The following BICC1 variants were observed in gnomAD, a reference collection of about 807,000 sequenced individuals.
The protein encoded by BICC1 is BicC family RNA binding protein 1.
In BICC1, 43 loss-of-function variants were observed where a neutral mutation model predicts 111.0. The ratio of observed to expected loss-of-function variants is 0.39; its 90% CI spans 0.30 to 0.50. BICC1 has a LOEUF of 0.50. Ranked by LOEUF, BICC1 falls within the 20% of genes least tolerant of loss-of-function variation. The pLI, the probability that BICC1 is intolerant of heterozygous loss-of-function variation, is 0.88. For synonymous variants in BICC1, 467 were observed against 434.4 expected, an observed-to-expected ratio of 1.07 and a Z score of -0.93; for missense variants, 1,091 against 1,203.2, an observed-to-expected ratio of 0.91 and a Z score of 1.38.
At chr10:58,715,324 A>G (rs559966940) in intron 3 of BICC1, among the ~76,000 whole-genome samples, 2 of 152,304 alleles carry the variant, frequency 1.3e-5, no homozygotes, top group South Asian at 4.1e-4. Context: ...TAAAATGAGA[A>G]CACAGCATAT....
At chr10:58,687,846 C>T (rs925085846) in intron 2 of BICC1, among the ~76,000 whole-genome samples, 4 of 152,146 alleles carry the variant, frequency 2.6e-5, no homozygotes, top group Admixed American at 6.5e-5. Flanking sequence ...CACTCTGGTC[C>T]GTGGGCTGCA....
At chr10:58,748,614 A>G (rs914107600) in intron 3 of BICC1, among the ~76,000 whole-genome samples, 1 of 152,160 alleles carries the variant, frequency 6.6e-6, no homozygotes, top group Non-Finnish European at 1.5e-5. Flanking sequence ...ATTGGGAAAC[A>G]GGAAACCTGT....
At chr10:58,720,657 G>T (rs532833662) in intron 3 of BICC1, among the ~76,000 whole-genome samples, 1 of 152,280 alleles carries the variant, frequency 6.6e-6, no homozygotes, top group East Asian at 1.9e-4. Flanking sequence ...TTGAAGACTT[G>T]GTGGCCAATA....
intron 7 of BICC1, 37 bp from the exon 8 acceptor site, chr10:58,789,645 T>C (rs1300223165): frequency 6.2e-7 from 1 of 1,609,730 alleles, no homozygotes; most frequent in Non-Finnish European, 8.5e-7. Flanking sequence ...GAACAGTTAA[T>C]GTATAGGATT....
intron 1 of BICC1, among the ~76,000 whole-genome samples, chr10:58,545,174 C>G: frequency 6.6e-6 from 1 of 152,044 alleles, no homozygotes; most frequent in Non-Finnish European, 1.5e-5. Flanking sequence ...AGGTATTTCT[C>G]TATTATGCTA....
chr10:58,527,853 T>A (rs1842585501), intron 1 of BICC1, among the ~76,000 whole-genome samples: 1 of 151,890 alleles, frequency 6.6e-6, no homozygotes, highest in African/African-American at 2.4e-5. Context: ...GGGTTAGAAT[T>A]CTCAGTGAGA....
intron 1 of BICC1, among the ~76,000 whole-genome samples, chr10:58,611,606 G>A (rs1054876996): frequency 7.9e-5 from 12 of 151,580 alleles, no homozygotes; most frequent in Middle Eastern, 3.2e-3. Context: ...CTCCCAAGTA[G>A]CTGGGATTAC....
chr10:58,751,369 C>G (rs1841987247), intron 3 of BICC1, among the ~76,000 whole-genome samples: 1 of 152,102 alleles, frequency 6.6e-6, no homozygotes. Flanking sequence ...TGTCAGCCTA[C>G]CATGCTATCC....
At chr10:58,657,017 T>C (rs1409610865) in intron 2 of BICC1, among the ~76,000 whole-genome samples, 1 of 152,086 alleles carries the variant, frequency 6.6e-6, no homozygotes, top group Non-Finnish European at 1.5e-5. Context: ...ACTTCTACCT[T>C]CTGCGCTAGC....
intron 1 of BICC1, among the ~76,000 whole-genome samples, chr10:58,579,525 G>A (rs1844209397): frequency 6.6e-6 from 1 of 152,102 alleles, no homozygotes; most frequent in Non-Finnish European, 1.5e-5. Context: ...TGGGGCATCG[G>A]TTTTTCCTAG....
chr10:58,773,121 T>G (rs1288158371), intron 3 of BICC1, among the ~76,000 whole-genome samples: 1 of 152,162 alleles, frequency 6.6e-6, no homozygotes, highest in Non-Finnish European at 1.5e-5. Context: ...GAAACTGCAT[T>G]AGTGATTCTC....
intron 3 of BICC1, 69 bp downstream of exon 3, chr10:58,702,212 TG>T: frequency 7.7e-7 from 1 of 1,300,964 alleles, no homozygotes; most frequent in Non-Finnish European, 1.1e-6. Flanking sequence ...GCAGGTTTGC[TG>T]GGGAGAAAAC....
At chr10:58,568,312 G>A (rs1380250429) in intron 1 of BICC1, among the ~76,000 whole-genome samples, 1 of 152,110 alleles carries the variant, frequency 6.6e-6, no homozygotes, top group Non-Finnish European at 1.5e-5. Flanking sequence ...GCCAAGTAGA[G>A]CCCTAGGATT....
intron 2 of BICC1, among the ~76,000 whole-genome samples, chr10:58,687,428 T>C (rs1839770500): frequency 6.6e-6 from 1 of 152,160 alleles, no homozygotes; most frequent in Non-Finnish European, 1.5e-5. Context: ...TCTGCAGAAG[T>C]TTCTGCTGCC....
At chr10:58,616,128 A>G (rs552584706) in intron 1 of BICC1, among the ~76,000 whole-genome samples, 1 of 152,100 alleles carries the variant, frequency 6.6e-6, no homozygotes, top group Non-Finnish European at 1.5e-5. Context: ...TCGGAAAAGG[A>G]ATTAGAGGCT....
rs1005038078 is a variant in BICC1 at position 58,635,380 on chromosome 10, G to A, written c.237+14479G>A. 5.9e-5 allele frequency among the ~76,000 whole-genome samples: 9 copies of A among 152,222 alleles called. No homozygotes were observed. The East Asian group carries it at 9.7e-4, about 16-fold the overall frequency. On this transcript the variant is annotated intron_variant, in intron 2 of 20. Transcript: ENST00000373886. ...TTTGATGAAATGATTTCTTTTTCTTGCTAGAAACTCCATTCTACAAAATTA... is the reference window on the plus strand; with the variant it reads ...TTTGATGAAATGATTTCTTTTTCTTACTAGAAACTCCATTCTACAAAATTA...
At chr10:58,741,741 A>G (rs915707091) in intron 3 of BICC1, among the ~76,000 whole-genome samples, 37 of 152,172 alleles carry the variant, frequency 2.4e-4, no homozygotes, top group African/African-American at 8.7e-4. Context: ...ATTTAAACCC[A>G]TGCCTTTTAT....
At chr10:58,522,358 T>C (rs2132520680) in intron 1 of BICC1, among the ~76,000 whole-genome samples, 1 of 152,256 alleles carries the variant, frequency 6.6e-6, no homozygotes, top group Non-Finnish European at 1.5e-5. Context: ...AAACTGTCTC[T>C]CAGACCACAG....
intron 3 of BICC1, among the ~76,000 whole-genome samples, chr10:58,709,048 C>T (rs762825694): frequency 1.3e-4 from 20 of 152,130 alleles, no homozygotes; most frequent in Non-Finnish European, 2.8e-4. Flanking sequence ...ATTTATTATT[C>T]TTTGTGTTGG....
Sources: gnomAD v4.1 joint callset for allele counts (sites outside exome capture counted in the v4.1 genomes callset) on GRCh38, gnomAD v4.1.1 for gene constraint, MANE v1.5 for transcripts, NCBI Gene and HGNC (gene_info 2026-07-23, HGNC 2026-07-21) for gene names.